THTPA: variants seen among roughly 807,000 people sequenced by gnomAD.
THTPA encodes the protein thiamine triphosphatase.
Under a neutral mutation model 16.5 loss-of-function variants are expected in THTPA, and 16 were observed. That is an observed-to-expected ratio of 0.97 (90% CI 0.66 to 1.47). The LOEUF (loss-of-function observed/expected upper bound fraction) is 1.47. Ranked by LOEUF, THTPA falls within the 40% of genes most tolerant of loss-of-function variation. The pLI is 0.00. For missense variants in THTPA, 281 were observed against 280.9 expected (o/e 1.00, Z 0.00); for synonymous variants, 110 against 115.5 (o/e 0.95, Z 0.30).
the THTPA span, among the ~76,000 whole-genome samples, chr14:23,519,670 A>G: frequency 1.3e-5 from 2 of 152,214 alleles, no homozygotes; most frequent in East Asian, 3.9e-4. Context: ...GGAGTTATTC[A>G]GAAGTGAATG....
rs1443572868 is a variant in THTPA at position 23,556,923 on chromosome 14, C to CGACG, written c.167_170dup (p.Glu58ThrfsTer4). The CGACG allele has an allele frequency of 6.2e-7, 1 of 1,613,914 alleles. No homozygotes were observed. The highest frequency in any genetic ancestry group is 2.2e-5 in the East Asian group (1 of 44,896). On this transcript the variant is annotated frameshift_variant, in exon 1 of 2. Transcript: ENST00000288014. LOFTEE classifies it high-confidence loss of function. The stretch of plus-strand genomic sequence containing the variant: ...CATGCAGGCTGACCACTGGCTGCGA[C>CGACG]GACGAGAGGATAGTGGATGGGAGCT...
the THTPA span, chr14:23,544,298 A>G: frequency 6.6e-6 from 1 of 152,012 alleles, no homozygotes; most frequent in African/African-American, 2.4e-5. Flanking sequence ...AAAAAAAAAA[A>G]AAGGGAATGG....
the THTPA span, among the ~76,000 whole-genome samples, chr14:23,544,513 GT>G: frequency 6.6e-6 from 1 of 152,212 alleles, no homozygotes; most frequent in Admixed American, 6.5e-5. Flanking sequence ...GTTGGTGAAG[GT>G]GCTTGTTCTC....
At chr14:23,533,595 C>T in the THTPA span, 3 of 1,536,622 alleles carry the variant, frequency 2.0e-6, no homozygotes, top group East Asian at 7.3e-5. The surrounding 1 kb of genome is among the most constrained non-coding windows in gnomAD (Gnocchi z 4.8). Flanking sequence ...AGATGTTTGT[C>T]TCGTAGCTGC....
At position 23,560,203 on chromosome 14, in the gene THTPA, G is replaced by A; in HGVS notation, c.*1363G>A. On this transcript the variant is annotated 3_prime_UTR_variant, in exon 2 of 2. Transcript: ENST00000288014. ...TCCCACCCACCTCCTCCACTTAGTG[G>A]CCTTTTCTCCTGGAGTCCCCAGGCC... is the stretch of plus-strand genomic sequence containing the variant. 1 of 1,595,552 alleles carries A rather than the reference G, an allele frequency of 6.3e-7. No homozygotes were observed. The highest frequency in any genetic ancestry group is 8.6e-7 in the Non-Finnish European group (1 of 1,167,550).
the THTPA span, chr14:23,530,331 G>T: frequency 1.1e-5 from 8 of 741,434 alleles, no homozygotes; most frequent in South Asian, 1.5e-5. Context: ...AGGAGAGTAT[G>T]AAAAGCCAAC....
the THTPA span, chr14:23,534,869 G>C: frequency 6.5e-7 from 1 of 1,536,134 alleles, no homozygotes; most frequent in Non-Finnish European, 8.7e-7. The surrounding 1 kb of genome is among the most constrained non-coding windows in gnomAD (Gnocchi z 4.5). Context: ...GGCAGACTGG[G>C]CTCTTCCTTG....
chr14:23,531,950 A>G, the THTPA span: 1 of 417,470 alleles, frequency 2.4e-6, no homozygotes, highest in Non-Finnish European at 3.8e-6. Context: ...TAATTTTTGT[A>G]TTTTTAGTAC....
At chr14:23,554,634 T>C (rs147932161), upstream of THTPA, among the ~76,000 whole-genome samples, 69 of 151,692 alleles carry the variant, frequency 4.5e-4, no homozygotes, top group East Asian at 0.013. Context: ...ATGATCCTCC[T>C]GCCTCGACCT....
At chr14:23,558,578 C>A in intron 1 of THTPA, 117 bp from the exon 2 acceptor site, 2 of 1,363,024 alleles carry the variant, frequency 1.5e-6, no homozygotes, top group South Asian at 1.3e-5. Context: ...GGGTGACATT[C>A]AGAACCCCAG....
the THTPA span, chr14:23,537,920 G>A: frequency 6.6e-6 from 1 of 152,358 alleles, no homozygotes; most frequent in African/African-American, 2.4e-5. Context: ...CTGCCGCCAA[G>A]GGCTGTACAC....
the THTPA span, chr14:23,527,900 CCTT>C: frequency 3.7e-6 from 3 of 808,460 alleles, no homozygotes; most frequent in East Asian, 5.9e-5. Context: ...CGCCCCCACT[CCTT>C]TTTTTTTTTT....
the THTPA span, among the ~76,000 whole-genome samples, chr14:23,515,480 A>G: frequency 6.6e-6 from 1 of 152,210 alleles, no homozygotes; most frequent in Non-Finnish European, 1.5e-5. Context: ...ATCCATCCCA[A>G]GAAGGGAGAT....
the THTPA span, chr14:23,524,369 T>C: frequency 6.5e-7 from 1 of 1,536,096 alleles, no homozygotes; most frequent in Non-Finnish European, 8.7e-7. The surrounding 1 kb of genome is among the most constrained non-coding windows in gnomAD (Gnocchi z 5.6). Context: ...GCGCAGGCGC[T>C]TGTCCCTGGG....
chr14:23,528,108 C>T, the THTPA span, among the ~76,000 whole-genome samples: 1 of 152,042 alleles, frequency 6.6e-6, no homozygotes, highest in African/African-American at 2.4e-5. Flanking sequence ...AGGGTTTTGC[C>T]ACATTGGCCA....
chr14:23,536,166 A>G, the THTPA span, among the ~76,000 whole-genome samples: 2 of 152,248 alleles, frequency 1.3e-5, no homozygotes, highest in South Asian at 4.1e-4. Context: ...CAGATGCCAC[A>G]CTGGCCTCCC....
the THTPA span, chr14:23,520,857 T>C: frequency 6.7e-6 from 1 of 150,270 alleles, no homozygotes; most frequent in Non-Finnish European, 1.5e-5. The surrounding 1 kb of genome is among the most constrained non-coding windows in gnomAD (Gnocchi z 8.7). Flanking sequence ...AACACTTGTC[T>C]GATGGGAGTT....
the THTPA span, chr14:23,533,109 G>C: frequency 6.7e-7 from 1 of 1,488,992 alleles, no homozygotes; most frequent in African/African-American, 1.4e-5. The surrounding 1 kb of genome is among the most constrained non-coding windows in gnomAD (Gnocchi z 4.8). Context: ...CAGATTAGTG[G>C]CCCAAGAAAG....
chr14:23,559,568 G>A lies in THTPA; in HGVS notation c.*728G>A. 1 of 606,924 alleles carries A rather than the reference G, an allele frequency of 1.6e-6. No homozygotes were observed. The allele number at this position is 606,924 out of a possible 1,614,324, so 37.6% of individuals were successfully genotyped here. Reference sequence around the variant, plus strand: ...TTCCACTTCAAATATACCCAAATATGGCTTTCCTCACTTCTCAGGCTTTAT... The same window carrying A: ...TTCCACTTCAAATATACCCAAATATAGCTTTCCTCACTTCTCAGGCTTTAT... On this transcript the variant is annotated 3_prime_UTR_variant, in exon 2 of 2. Coordinates refer to ENST00000288014, the MANE Select transcript of THTPA (RefSeq NM_024328.6).
Sources: gnomAD v4.1 joint callset for allele counts (sites outside exome capture counted in the v4.1 genomes callset) on GRCh38, gnomAD v4.1.1 for gene constraint, Gnocchi (gnomAD v3.1) non-coding constraint, MANE v1.5 for transcripts, NCBI Gene and HGNC (gene_info 2026-07-23, HGNC 2026-07-21) for gene names.